Variants in PRR16 observed in about 807,000 individuals in gnomAD.
PRR16 encodes the protein protein Largen.
A neutral mutation model predicts 18.2 loss-of-function variants in PRR16; 6 were observed. The observed-to-expected ratio is 0.33, with a 90% CI of 0.18 to 0.65. The LOEUF (loss-of-function observed/expected upper bound fraction) is 0.65, where lower values mean the gene tolerates loss of function less well. Ranked by LOEUF, PRR16 falls within the 30% of genes least tolerant of loss-of-function variation. The probability of loss-of-function intolerance (pLI) is 0.74; values close to 1 mark genes in which losing one functional copy is unlikely to be tolerated. For synonymous variants in PRR16, 151 were observed against 147.8 expected, an observed-to-expected ratio of 1.02 and a Z score of -0.16; for missense variants, 412 against 376.6, an observed-to-expected ratio of 1.09 and a Z score of -0.78.
intron 1 of PRR16, among the ~76,000 whole-genome samples, chr5:120,531,989 C>A (rs73784584): frequency 0.022 from 3,422 of 152,148 alleles, 57 homozygotes; most frequent in African/African-American, 0.048. Flanking sequence ...TAAAGAAGCT[C>A]CATTAGAAAT....
At chr5:120,772,310 C>T in the PRR16 span, among the ~76,000 whole-genome samples, 1 of 152,006 alleles carries the variant, frequency 6.6e-6, no homozygotes, top group African/African-American at 2.4e-5. Context: ...CTCCAAAACC[C>T]TCCTGAATTT....
chr5:120,548,699 G>A (rs1752152759), intron 1 of PRR16, among the ~76,000 whole-genome samples: 1 of 148,710 alleles, frequency 6.7e-6, no homozygotes, highest in Non-Finnish European at 1.5e-5. Flanking sequence ...AATAAATTAG[G>A]GCTTGACATG....
chr5:120,723,157 A>G, the PRR16 span, among the ~76,000 whole-genome samples: 2 of 151,960 alleles, frequency 1.3e-5, no homozygotes, highest in African/African-American at 4.8e-5. Flanking sequence ...TTACAGAATT[A>G]TATCTAAGGA....
chr5:120,602,974 T>C (rs1384384646), intron 1 of PRR16, among the ~76,000 whole-genome samples: 1 of 152,110 alleles, frequency 6.6e-6, no homozygotes, highest in Non-Finnish European at 1.5e-5. Flanking sequence ...GCTAGTACTT[T>C]GTTGAGGATG....
intron 1 of PRR16, among the ~76,000 whole-genome samples, chr5:120,562,129 A>G (rs1364171938): frequency 1.3e-5 from 2 of 152,084 alleles, no homozygotes; most frequent in Non-Finnish European, 2.9e-5. Flanking sequence ...CTTTGGCTCT[A>G]ATCATAGTTG....
chr5:120,765,741 A>G, the PRR16 span, among the ~76,000 whole-genome samples: 1 of 152,070 alleles, frequency 6.6e-6, no homozygotes, highest in South Asian at 2.1e-4. Context: ...ATTATTACCA[A>G]CATTTCCAAA....
Position 120,687,037 on chromosome 5 carries a change from A to G in PRR16, c.*328A>G, listed in dbSNP as rs1056639396. 8.8e-5 allele frequency: 16 copies of G among 182,558 alleles called. No homozygotes were observed. Among genetic ancestry groups the G allele is most frequent in the Non-Finnish European group, 1.2e-4 (11 of 88,680 alleles). 11.3% of individuals were successfully genotyped at this position (182,558 alleles called of 1,614,324 possible). On this transcript the variant is annotated 3_prime_UTR_variant, in exon 2 of 2. Transcript: ENST00000407149. Reference sequence around the variant, plus strand: ...AGCTGGGATTTGATTCATTTTATTTATGCCTAAGTCATCTATGCATTAACA... The same window carrying G: ...AGCTGGGATTTGATTCATTTTATTTGTGCCTAAGTCATCTATGCATTAACA...
intron 1 of PRR16, among the ~76,000 whole-genome samples, chr5:120,631,492 G>A (rs570278461): frequency 6.7e-4 from 102 of 152,222 alleles, no homozygotes; most frequent in African/African-American, 2.3e-3. Flanking sequence ...GTTGTTATGG[G>A]GGCACAATGG....
intron 1 of PRR16, among the ~76,000 whole-genome samples, chr5:120,643,477 A>T (rs1414884952): frequency 6.6e-6 from 1 of 152,164 alleles, no homozygotes; most frequent in African/African-American, 2.4e-5. Context: ...TTTTTAAAAA[A>T]ATATTCACTC....
At chr5:120,776,709 GATTAT>G in the PRR16 span, among the ~76,000 whole-genome samples, 1 of 151,978 alleles carries the variant, frequency 6.6e-6, no homozygotes, top group Non-Finnish European at 1.5e-5. Context: ...ATTTCTCATA[GATTAT>G]ATTTGTATTT....
chr5:120,792,674 G>T, the PRR16 span, among the ~76,000 whole-genome samples: 1 of 152,114 alleles, frequency 6.6e-6, no homozygotes, highest in African/African-American at 2.4e-5. Flanking sequence ...ACTTAGGTAA[G>T]ATAATCTTGC....
intron 1 of PRR16, among the ~76,000 whole-genome samples, chr5:120,588,150 T>C (rs1270303203): frequency 6.6e-6 from 1 of 152,214 alleles, no homozygotes; most frequent in Non-Finnish European, 1.5e-5. Context: ...ATGAGAGATT[T>C]CTTTTTATGT....
chr5:120,683,921 C>CAA (rs55985484), intron 1 of PRR16, among the ~76,000 whole-genome samples: 75 of 121,726 alleles, frequency 6.2e-4, no homozygotes, highest in Non-Finnish European at 8.9e-4. Flanking sequence ...ACTTCTGCTT[C>CAA]AAAAAAAAAA....
At position 120,564,405 on chromosome 5, in the gene PRR16, G is replaced by A. The variant is rs147272788; in HGVS notation, c.159+99760G>A. Among the ~76,000 whole-genome samples, 286 of 152,202 alleles carry A rather than the reference G, an allele frequency of 1.9e-3. 2 individuals carry two copies. The highest frequency in any genetic ancestry group is 6.6e-3 in the African/African-American group (274 of 41,528). The stretch of plus-strand genomic sequence containing the variant: ...AGAACACTCTGGCCTGTAGTGGCGA[G>A]GCTTCCCGTGAAACTCCGACCTTCC... On this transcript the variant is annotated intron_variant, in intron 1 of 1. Transcript: ENST00000407149.
chr5:120,670,014 A>T (rs1756543039), intron 1 of PRR16, among the ~76,000 whole-genome samples: 2 of 152,120 alleles, frequency 1.3e-5, no homozygotes, highest in Admixed American at 1.3e-4. Context: ...CAATACTTTT[A>T]TTCTGACCAT....
At chr5:120,608,254 C>T (rs770724771) in intron 1 of PRR16, among the ~76,000 whole-genome samples, 4 of 152,014 alleles carry the variant, frequency 2.6e-5, no homozygotes, top group Admixed American at 6.6e-5. Flanking sequence ...CCATTTTTTT[C>T]GTTGCTCTTG....
chr5:120,764,732 C>A, the PRR16 span, among the ~76,000 whole-genome samples: 1 of 151,964 alleles, frequency 6.6e-6, no homozygotes, highest in Non-Finnish European at 1.5e-5. Flanking sequence ...TAATTAAGCA[C>A]CTTATTACTT....
chr5:120,732,138 G>A, the PRR16 span, among the ~76,000 whole-genome samples: 1 of 152,218 alleles, frequency 6.6e-6, no homozygotes, highest in Non-Finnish European at 1.5e-5. Context: ...ACACTGTACA[G>A]CTCATAGTGT....
At chr5:120,766,607 A>T in the PRR16 span, among the ~76,000 whole-genome samples, 1 of 151,944 alleles carries the variant, frequency 6.6e-6, no homozygotes, top group Admixed American at 6.6e-5. Context: ...CTCTTAAGTG[A>T]ATCAGCTCAC....
Sources: gnomAD v4.1 joint callset for allele counts (sites outside exome capture counted in the v4.1 genomes callset) on GRCh38, gnomAD v4.1.1 for gene constraint, MANE v1.5 for transcripts, NCBI Gene and HGNC (gene_info 2026-07-23, HGNC 2026-07-21) for gene names.